Variants in TTBK2 observed in about 807,000 individuals in gnomAD.
TTBK2 encodes tau-tubulin kinase 2.
Under a neutral mutation model 110.8 loss-of-function variants are expected in TTBK2, and 28 were observed. The observed-to-expected ratio is 0.25, with a 90% CI of 0.19 to 0.35. The LOEUF (loss-of-function observed/expected upper bound fraction) is 0.35. Among genes scored for constraint, TTBK2 ranks in the 10% least tolerant of loss-of-function variants. The probability of loss-of-function intolerance (pLI) is 1.00; values close to 1 mark genes in which losing one functional copy is unlikely to be tolerated. For missense variants in TTBK2, 1,369 were observed against 1,500.3 expected (o/e 0.91, Z 1.45); for synonymous variants, 532 against 527.3 (o/e 1.01, Z -0.12).
intron 1 of TTBK2, among the ~76,000 whole-genome samples, chr15:42,910,563 A>C (rs147776941): frequency 6.6e-6 from 1 of 152,376 alleles, no homozygotes; most frequent in East Asian, 1.9e-4. Flanking sequence ...ACATATGCTC[A>C]TTCAATAAAT....
intron 3 of TTBK2, among the ~76,000 whole-genome samples, chr15:42,870,737 T>G (rs1014060160): frequency 6.6e-6 from 1 of 151,394 alleles, no homozygotes; most frequent in Non-Finnish European, 1.5e-5. Flanking sequence ...GGTGTATGCC[T>G]GTAGTCCCAG....
intron 9 of TTBK2, among the ~76,000 whole-genome samples, chr15:42,808,435 T>C (rs1189086952): frequency 2.0e-5 from 3 of 152,272 alleles, no homozygotes; most frequent in African/African-American, 7.2e-5. Flanking sequence ...CATTGCTATT[T>C]GACCTTTGAT....
chr15:42,847,877 G>A (rs1294933415), intron 3 of TTBK2, among the ~76,000 whole-genome samples: 1 of 152,138 alleles, frequency 6.6e-6, no homozygotes, highest in Non-Finnish European at 1.5e-5. Context: ...TTTTTAGACA[G>A]GATCTCACTT....
chr15:42,799,466 C>G (rs1180769421), intron 9 of TTBK2, among the ~76,000 whole-genome samples: 1 of 151,974 alleles, frequency 6.6e-6, no homozygotes, highest in Non-Finnish European at 1.5e-5. Flanking sequence ...CGGAGTCTCA[C>G]TCTGTTGCCC....
In TTBK2 at chr15:42,831,446, GACAA is replaced by G. The variant is rs1028313980; in HGVS notation, c.292-1372_292-1369del. On this transcript the variant is annotated intron_variant, in intron 4 of 14. Coordinates refer to ENST00000267890, the MANE Select transcript of TTBK2 (RefSeq NM_173500.4). ...TTGTTATTATGACCAAACATTATAT[GACAA>G]ACATTCAATTTACTTGTAGAAGTAT... 7.2e-5 allele frequency among the ~76,000 whole-genome samples: 11 copies of G among 152,200 alleles called. No individual in the cohort carries two copies. The East Asian group carries it at 1.9e-3, about 27-fold the overall frequency.
At chr15:42,779,294 G>A (rs888051496) in intron 11 of TTBK2, among the ~76,000 whole-genome samples, 2 of 151,494 alleles carry the variant, frequency 1.3e-5, no homozygotes, top group South Asian at 2.1e-4. Flanking sequence ...CTGTGGTCCC[G>A]GCTACTCGGG....
At chr15:42,790,876 G>GT (rs1044245684) in intron 10 of TTBK2, among the ~76,000 whole-genome samples, 4 of 150,968 alleles carry the variant, frequency 2.6e-5, no homozygotes, top group South Asian at 2.1e-4. Context: ...ATTTTTGTGT[G>GT]TTTTTTTTGT....
chr15:42,751,668 C>T (rs1008755955), intron 14 of TTBK2, among the ~76,000 whole-genome samples: 2 of 152,168 alleles, frequency 1.3e-5, no homozygotes, highest in African/African-American at 4.8e-5. Context: ...CTCTTGAACC[C>T]GGGATGCAGA....
At chr15:42,749,052 T>C (rs1270121384) in intron 14 of TTBK2, among the ~76,000 whole-genome samples, 1 of 152,168 alleles carries the variant, frequency 6.6e-6, no homozygotes, top group East Asian at 1.9e-4. Context: ...AGCTAGAAAA[T>C]TGCTGATCAT....
intron 1 of TTBK2, among the ~76,000 whole-genome samples, chr15:42,880,653 C>T (rs1895003597): frequency 6.6e-6 from 1 of 152,174 alleles, no homozygotes; most frequent in Non-Finnish European, 1.5e-5. Flanking sequence ...CTCAGCCTCC[C>T]AAAATGGTGG....
chr15:42,892,955 C>T (rs1895518771), intron 1 of TTBK2, among the ~76,000 whole-genome samples: 1 of 144,436 alleles, frequency 6.9e-6, no homozygotes, highest in Non-Finnish European at 1.5e-5. Context: ...AGTATGCAGT[C>T]AGCCAAGATC....
intron 13 of TTBK2, among the ~76,000 whole-genome samples, chr15:42,756,255 A>G (rs894517520): frequency 6.6e-6 from 1 of 152,118 alleles, no homozygotes; most frequent in Non-Finnish European, 1.5e-5. Context: ...TGTAATTCTA[A>G]GTACATTCGT....
chr15:42,799,478 G>A (rs768998652), intron 9 of TTBK2, among the ~76,000 whole-genome samples: 2 of 152,046 alleles, frequency 1.3e-5, no homozygotes, highest in African/African-American at 4.8e-5. Context: ...CTGTTGCCCA[G>A]GCTGGAGTGC....
chr15:42,892,970 C>A, intron 1 of TTBK2, among the ~76,000 whole-genome samples: 1 of 143,854 alleles, frequency 7.0e-6, no homozygotes, highest in Non-Finnish European at 1.5e-5. Flanking sequence ...AAGATCATGC[C>A]ACTGCATTCC....
intron 12 of TTBK2, among the ~76,000 whole-genome samples, chr15:42,776,573 T>C (rs144631672): frequency 6.6e-6 from 1 of 152,372 alleles, no homozygotes; most frequent in East Asian, 1.9e-4. Context: ...ATCTTACTCC[T>C]AGAGGGTCTT....
At chr15:42,815,454 T>C (rs1323900200) in intron 7 of TTBK2, among the ~76,000 whole-genome samples, 2 of 152,102 alleles carry the variant, frequency 1.3e-5, no homozygotes, top group African/African-American at 4.8e-5. Context: ...CTTTTTTCCC[T>C]ATTTTATCAA....
chr15:42,868,655 G>C (rs1375757126), intron 3 of TTBK2, among the ~76,000 whole-genome samples: 1 of 149,732 alleles, frequency 6.7e-6, no homozygotes, highest in African/African-American at 2.5e-5. Context: ...CCAGGAATTT[G>C]AGACCAGCCT....
chr15:42,914,392 C>A (rs2030968160), intron 1 of TTBK2, among the ~76,000 whole-genome samples: 1 of 152,152 alleles, frequency 6.6e-6, no homozygotes, highest in Non-Finnish European at 1.5e-5. Context: ...AGCTGCTGGA[C>A]CCTAGCTACA....
At chr15:42,851,241 C>CGATA (rs1491063045) in intron 3 of TTBK2, among the ~76,000 whole-genome samples, 1 of 145,834 alleles carries the variant, frequency 6.9e-6, no homozygotes. Flanking sequence ...GAGCAAAACT[C>CGATA]TGTCTCAGAA....
Sources: allele counts gnomAD v4.1 joint callset (sites outside exome capture counted in the v4.1 genomes callset), GRCh38; gene constraint gnomAD v4.1.1; transcripts MANE v1.5; gene names NCBI Gene and HGNC (gene_info 2026-07-23, HGNC 2026-07-21).